Variants in IQCH observed in about 807,000 individuals in gnomAD.
IQCH encodes the protein IQ motif containing H, also known as IQ domain-containing protein H.
In IQCH, 98 loss-of-function variants were observed where a neutral mutation model predicts 117.0. The observed-to-expected ratio is 0.84, with a 90% confidence interval of 0.71 to 0.99. IQCH has a LOEUF of 0.99. Among genes scored for constraint, IQCH ranks in the 50% least tolerant of loss-of-function variants. IQCH has a pLI of 0.00. For missense variants in IQCH, 1,102 were observed against 1,243.8 expected (o/e 0.89, Z 1.72); for synonymous variants, 412 against 448.2 (o/e 0.92, Z 1.02).
chr15:67,423,863 A>AAAAG (rs1166219412), intron 16 of IQCH, among the ~76,000 whole-genome samples: 2 of 152,102 alleles, frequency 1.3e-5, no homozygotes, highest in Non-Finnish European at 2.9e-5. Flanking sequence ...AAAAAAAAAA[A>AAAAG]AAAAGAAAAG....
At chr15:67,469,310 A>T (rs117147182) in intron 17 of IQCH, among the ~76,000 whole-genome samples, 1 of 152,218 alleles carries the variant, frequency 6.6e-6, no homozygotes, top group Non-Finnish European at 1.5e-5. Flanking sequence ...CATGATCCCC[A>T]GGGTCACTTG....
At chr15:67,337,415 A>G (rs1453842872) in intron 5 of IQCH, among the ~76,000 whole-genome samples, 2 of 152,198 alleles carry the variant, frequency 1.3e-5, no homozygotes, top group Non-Finnish European at 2.9e-5. Flanking sequence ...TGAGCAGATC[A>G]TTTTTGATAT....
intron 13 of IQCH, among the ~76,000 whole-genome samples, chr15:67,398,730 A>T (rs1009695640): frequency 8.4e-5 from 12 of 142,926 alleles, no homozygotes; most frequent in African/African-American, 2.5e-4. Context: ...CTCTTTAGTT[A>T]AAAAAAAAAA....
intron 14 of IQCH, among the ~76,000 whole-genome samples, chr15:67,410,994 A>G (rs2140893102): frequency 6.6e-6 from 1 of 152,228 alleles, no homozygotes; most frequent in East Asian, 1.9e-4. Context: ...TACCTCAGAG[A>G]GTGGCTGAGA....
Position 67,364,041 on chromosome 15 carries a change from A to G in IQCH, c.753+4156A>G, listed in dbSNP as rs189148869. Among the ~76,000 whole-genome samples, 8 of 152,334 alleles carry G rather than the reference A, an allele frequency of 5.3e-5. No homozygotes were observed. Among genetic ancestry groups the G allele is most frequent in the African/African-American group, 1.9e-4 (8 of 41,574 alleles). On this transcript the variant is annotated intron_variant, in intron 8 of 20. Coordinates refer to ENST00000335894, the MANE Select transcript of IQCH (RefSeq NM_001031715.3). The surrounding 1 kb of genome is among the most constrained non-coding windows in gnomAD (Gnocchi z 4.1). ...TAACACATGCATGTGTCTTTATGGT[A>G]GAATGATTTATAGTCCTTTGGGTAT... is the stretch of plus-strand genomic sequence containing the variant.
At chr15:67,267,294 C>G (rs1965717091) in intron 3 of IQCH, among the ~76,000 whole-genome samples, 1 of 152,140 alleles carries the variant, frequency 6.6e-6, no homozygotes, top group Non-Finnish European at 1.5e-5. Flanking sequence ...GACAACAGGT[C>G]TAGAGTGATG....
At chr15:67,444,689 A>C (rs998204838) in intron 16 of IQCH, among the ~76,000 whole-genome samples, 2 of 152,202 alleles carry the variant, frequency 1.3e-5, no homozygotes, top group Non-Finnish European at 2.9e-5. Flanking sequence ...CTTTATTCTT[A>C]TAATTAGCTT....
intron 18 of IQCH, among the ~76,000 whole-genome samples, chr15:67,477,078 G>T (rs868179155): frequency 6.7e-5 from 7 of 104,054 alleles, no homozygotes; most frequent in Admixed American, 4.3e-4. Flanking sequence ...TTGAGACAGA[G>T]TCTCATTCTG....
chr15:67,319,340 G>A (rs1242218688), intron 4 of IQCH, among the ~76,000 whole-genome samples: 1 of 152,120 alleles, frequency 6.6e-6, no homozygotes, highest in Non-Finnish European at 1.5e-5. Context: ...CCTAGATCTG[G>A]CACTAATTCC....
chr15:67,360,878 A>G (rs1970103231), intron 8 of IQCH, among the ~76,000 whole-genome samples: 1 of 152,270 alleles, frequency 6.6e-6, no homozygotes, highest in Admixed American at 6.5e-5. Flanking sequence ...CCGTGCAATT[A>G]GATCCTTCCT....
chr15:67,361,068 T>C (rs538795935), intron 8 of IQCH, among the ~76,000 whole-genome samples: 1 of 152,350 alleles, frequency 6.6e-6, no homozygotes, highest in Non-Finnish European at 1.5e-5. Context: ...TGAACCGTCA[T>C]AGCAGGCAGA....
At chr15:67,331,362 G>T (rs1201009386) in intron 4 of IQCH, among the ~76,000 whole-genome samples, 1 of 151,868 alleles carries the variant, frequency 6.6e-6, no homozygotes, top group African/African-American at 2.4e-5. Context: ...TGATAAAATA[G>T]AAGAATAAAA....
intron 7 of IQCH, among the ~76,000 whole-genome samples, chr15:67,358,048 G>A (rs1304384848): frequency 6.6e-6 from 1 of 150,862 alleles, no homozygotes; most frequent in East Asian, 1.9e-4. Flanking sequence ...TAGTAGAGAC[G>A]GGGTTTCACC....
At chr15:67,293,670 G>A (rs1966829691) in intron 4 of IQCH, among the ~76,000 whole-genome samples, 1 of 152,034 alleles carries the variant, frequency 6.6e-6, no homozygotes, top group Non-Finnish European at 1.5e-5. Flanking sequence ...AGAGTGAATA[G>A]CATGTTAGTT....
chr15:67,400,028 A>C (rs538834090), intron 13 of IQCH, 86 bp from the exon 14 acceptor site: 1 of 1,003,112 alleles, frequency 1.0e-6, no homozygotes, highest in South Asian at 1.5e-5. Context: ...AAGACACATG[A>C]GAAGTACAGC....
At chr15:67,354,170 GA>G (rs1166940491) in intron 6 of IQCH, among the ~76,000 whole-genome samples, 5 of 152,004 alleles carry the variant, frequency 3.3e-5, no homozygotes, top group African/African-American at 1.2e-4. Flanking sequence ...CACAGTACAA[GA>G]AAAAATATAC....
At chr15:67,343,963 G>A in intron 5 of IQCH, 100 bp from the exon 6 acceptor site, 1 of 1,004,610 alleles carries the variant, frequency 1.0e-6, no homozygotes. Context: ...TCACAAATAA[G>A]ATGATGAATG....
At chr15:67,315,961 A>C (rs1407348672) in intron 4 of IQCH, among the ~76,000 whole-genome samples, 1 of 152,164 alleles carries the variant, frequency 6.6e-6, no homozygotes, top group African/African-American at 2.4e-5. Context: ...GAAAGAGAAA[A>C]ATAAGGAGAT....
At chr15:67,319,088 G>T (rs12441098) in intron 4 of IQCH, among the ~76,000 whole-genome samples, 1 of 151,816 alleles carries the variant, frequency 6.6e-6, no homozygotes, top group Admixed American at 6.5e-5. Context: ...TTAACCAGGC[G>T]TGGTGGCGGG....
Sources: allele counts gnomAD v4.1 joint callset (sites outside exome capture counted in the v4.1 genomes callset), GRCh38; gene constraint gnomAD v4.1.1; non-coding constraint Gnocchi (gnomAD v3.1); transcripts MANE v1.5; gene names NCBI Gene and HGNC (gene_info 2026-07-23, HGNC 2026-07-21).